Variants in NFIX observed in about 807,000 individuals in gnomAD.
The protein encoded by NFIX is nuclear factor 1 X-type.
Under a neutral mutation model 53.3 loss-of-function variants are expected in NFIX, and 2 were observed. The ratio of observed to expected loss-of-function variants is 0.04; its 90% confidence interval spans 0.02 to 0.12. NFIX has a LOEUF of 0.12. NFIX is among the 10% of genes least tolerant of loss of function. The pLI, the probability that NFIX is intolerant of heterozygous loss-of-function variation, is 1.00. For synonymous variants in NFIX, 244 were observed against 289.0 expected (o/e 0.84, Z 1.58); for missense variants, 310 against 674.5 (o/e 0.46, Z 5.99).
At position 13,021,030 on chromosome 19, in the gene NFIX, A is replaced by G. The variant is rs2012934379; in HGVS notation, c.28-3991A>G. 6.6e-6 allele frequency among the ~76,000 whole-genome samples: 1 copy of G among 152,102 alleles called. No homozygotes were observed. Among genetic ancestry groups the G allele is most frequent in the Non-Finnish European group, 1.5e-5 (1 of 68,038 alleles). The stretch of plus-strand genomic sequence containing the variant: ...GGCCATTTTCTGTTTGGTGTCTAAT[A>G]TTTAGTATAAATCAGAATACAAGAA... On this transcript the variant is annotated intron_variant, in intron 1 of 10. Transcript: ENST00000592199. This position sits in a 1 kb window ranked among gnomAD's most constrained non-coding sequence, Gnocchi z 4.2.
chr19:13,035,322 C>T (rs891892777), intron 2 of NFIX, among the ~76,000 whole-genome samples: 1 of 152,214 alleles, frequency 6.6e-6, no homozygotes, highest in Non-Finnish European at 1.5e-5. Context: ...TCCCCTTTCA[C>T]CTCCCCCTGG....
chr19:13,002,749 C>T lies in NFIX; in HGVS notation c.27+6885C>T, dbSNP rs182506366. Among the ~76,000 whole-genome samples, 1 of 152,132 alleles carries T rather than the reference C, an allele frequency of 6.6e-6. No homozygotes were observed. The highest frequency in any genetic ancestry group is 1.5e-5 in the Non-Finnish European group (1 of 67,992). ...GGCACTGCGGCGCTCTGCAGCCAAT[C>T]GGAAGCCGGGGTTGCACTGGGGAGC... On this transcript the variant is annotated intron_variant, in intron 1 of 10. Transcript: ENST00000592199. This position sits in a 1 kb window ranked among gnomAD's most constrained non-coding sequence, Gnocchi z 6.1.
rs749168153 is a variant in NFIX at position 13,011,644 on chromosome 19, C to T, written c.28-13377C>T. Among the ~76,000 whole-genome samples the T allele has an allele frequency of 9.2e-5, 14 of 152,158 alleles. No individual in the cohort carries two copies. Among genetic ancestry groups the T allele is most frequent in the Non-Finnish European group, 1.3e-4 (9 of 68,022 alleles). On this transcript the variant is annotated intron_variant, in intron 1 of 10. Transcript: ENST00000592199. This position sits in a 1 kb window ranked among gnomAD's most constrained non-coding sequence, Gnocchi z 6.5. ...TTAGATGGTACTCCAGCGTCTCCTCCGGGTCCCCGGAAGAGAGAAGCTGGG... is the reference window on the plus strand; with the variant it reads ...TTAGATGGTACTCCAGCGTCTCCTCTGGGTCCCCGGAAGAGAGAAGCTGGG...
At chr19:13,010,401 C>T (rs2012274692) in intron 1 of NFIX, among the ~76,000 whole-genome samples, 1 of 152,388 alleles carries the variant, frequency 6.6e-6, no homozygotes, top group East Asian at 1.9e-4. Flanking sequence ...CGGACGTGCG[C>T]ACGCACATAA....
Position 13,060,704 on chromosome 19 carries a change from C to A in NFIX, c.560-12343C>A, listed in dbSNP as rs976773497. Reference sequence around the variant, plus strand: ...CCTGAGGATTGCGGGGCCAGGGAAGCAACCAGGCCCAGTCTGGGGCCCTGT... The same window carrying A: ...CCTGAGGATTGCGGGGCCAGGGAAGAAACCAGGCCCAGTCTGGGGCCCTGT... On this transcript the variant is annotated intron_variant, in intron 2 of 10. Transcript: ENST00000592199. This position sits in a 1 kb window ranked among gnomAD's most constrained non-coding sequence, Gnocchi z 4.3. Among the ~76,000 whole-genome samples, 3 of 152,122 alleles carry A rather than the reference C, an allele frequency of 2.0e-5. No homozygotes were observed. The highest frequency in any genetic ancestry group is 7.2e-5 in the African/African-American group (3 of 41,432).
At chr19:13,050,950 C>T (rs1212676649) in intron 2 of NFIX, among the ~76,000 whole-genome samples, 1 of 152,214 alleles carries the variant, frequency 6.6e-6, no homozygotes, top group African/African-American at 2.4e-5. Context: ...CCAGACCAGC[C>T]CCCTTGGAGA....
In NFIX at chr19:13,005,427, G is replaced by A. The variant is rs576521183; in HGVS notation, c.27+9563G>A. Among the ~76,000 whole-genome samples the A allele has an allele frequency of 3.3e-5, 5 of 152,256 alleles. No homozygotes were observed. Among genetic ancestry groups the A allele is most frequent in the Middle Eastern group, 3.4e-3 (1 of 294 alleles). ...GCCAGCTTCCTGGGTTTGACTCCTG[G>A]CTCTGCCACTCACTAGCTGTGTAAC... On this transcript the variant is annotated intron_variant, in intron 1 of 10. Transcript: ENST00000592199. The surrounding 1 kb of genome is among the most constrained non-coding windows in gnomAD (Gnocchi z 4.7).
chr19:13,078,671 G>T lies in NFIX; in HGVS notation c.1014G>T (p.Gln338His). Residue 338 changes from glutamine to histidine, a missense_variant, in exon 7 of 11, where the codon CAG becomes CAT. Around this residue, in one of 5 missense-constraint regions of NFIX, gnomAD observed 164 missense variants for 284.4 expected, o/e 0.58. Transcript: ENST00000592199. This position sits in a 1 kb window ranked among gnomAD's most constrained non-coding sequence, Gnocchi z 4.7. ...ACTTCTGCAGTGCCCTCTCCTCTCA[G>T]GGCAGCTCCCCGCGCATGGCTTTCA... ...KLDFCSALSS[Q>H]GSSPRMAFTH... 1 of 1,599,712 alleles carries T rather than the reference G, an allele frequency of 6.3e-7. No individual in the cohort carries two copies. Among genetic ancestry groups the T allele is most frequent in the Non-Finnish European group, 8.5e-7 (1 of 1,173,540 alleles).
At chr19:13,033,144 C>T (rs1234833972) in intron 2 of NFIX, among the ~76,000 whole-genome samples, 3 of 152,106 alleles carry the variant, frequency 2.0e-5, no homozygotes, top group Non-Finnish European at 4.4e-5. Flanking sequence ...CCAAGGGCAC[C>T]GTGGAAAACA....
intron 1 of NFIX, among the ~76,000 whole-genome samples, chr19:13,008,448 T>C (rs1460585723): frequency 6.6e-6 from 1 of 152,170 alleles, no homozygotes; most frequent in Non-Finnish European, 1.5e-5. Context: ...TTCATCCTGA[T>C]TGGTGGCCCT....
chr19:13,071,855 A>G (rs374959865), intron 2 of NFIX, among the ~76,000 whole-genome samples: 117 of 152,242 alleles, frequency 7.7e-4, no homozygotes, highest in African/African-American at 2.6e-3. Context: ...CCCAGAACCC[A>G]GCTCTGTTCC....
chr19:13,092,046 G>C (rs1258446271), intron 10 of NFIX, among the ~76,000 whole-genome samples: 2 of 152,172 alleles, frequency 1.3e-5, no homozygotes, highest in African/African-American at 4.8e-5. Flanking sequence ...TCTGGGAGTG[G>C]TTGGGGGAGC....
chr19:13,030,841 T>C (rs1464775072), intron 2 of NFIX, among the ~76,000 whole-genome samples: 4 of 152,116 alleles, frequency 2.6e-5, no homozygotes, highest in Non-Finnish European at 5.9e-5. Flanking sequence ...AAAATGAAAA[T>C]GTGGGGCTCC....
chr19:13,084,793 G>A (rs2017676441), intron 8 of NFIX, among the ~76,000 whole-genome samples: 1 of 152,148 alleles, frequency 6.6e-6, no homozygotes, highest in Admixed American at 6.6e-5. Context: ...GAGCTGGTCG[G>A]GCGCGGTGGC....
intron 2 of NFIX, among the ~76,000 whole-genome samples, chr19:13,026,742 CTCTGTGTGTGTG>C (rs2013390267): frequency 6.8e-6 from 1 of 146,412 alleles, no homozygotes; most frequent in East Asian, 1.9e-4. Context: ...CTCTCTCTCT[CTCTGTGTGTGTG>C]TGTGTGTGTG....
At chr19:13,024,744 G>A (rs556450518) in intron 1 of NFIX, 45 of 1,531,074 alleles carry the variant, frequency 2.9e-5, no homozygotes, top group Non-Finnish European at 3.8e-5. Flanking sequence ...GAGAGAGAGA[G>A]AGAATAGGTG....
intron 1 of NFIX, among the ~76,000 whole-genome samples, chr19:13,017,337 G>A (rs77237586): frequency 0.025 from 3,862 of 152,226 alleles, 60 homozygotes; most frequent in South Asian, 0.042. Context: ...AAATAGTTGC[G>A]GGAGCAATAC....
At chr19:13,046,458 G>T (rs147858251) in intron 2 of NFIX, among the ~76,000 whole-genome samples, 1 of 151,860 alleles carries the variant, frequency 6.6e-6, no homozygotes, top group African/African-American at 2.4e-5. Flanking sequence ...GTGGAATCGC[G>T]TTGCCTTCCC....
rs1157966190 is a variant in NFIX at position 13,087,774 on chromosome 19, C to CAAAA, written c.1255-194_1255-191dup. ...CCCTCCCACAACTTCAAAAGAGGACCAAAAAAAAAAAAAAAAAAAAAAAAG... is the reference window on the plus strand; with the variant it reads ...CCCTCCCACAACTTCAAAAGAGGACCAAAAAAAAAAAAAAAAAAAAAAAAAAAAG... On this transcript the variant is annotated intron_variant, in intron 8 of 10. Transcript: ENST00000592199. 5.5e-3 allele frequency among the ~76,000 whole-genome samples: 146 copies of CAAAA among 26,374 alleles called. 16 individuals carry two copies. The highest frequency in any genetic ancestry group is 0.05 in the Middle Eastern group (1 of 20). 17.3% of individuals were successfully genotyped at this position (26,374 alleles called of 152,430 possible).
Sources: allele counts gnomAD v4.1 joint callset (sites outside exome capture counted in the v4.1 genomes callset), GRCh38; gene constraint gnomAD v4.1.1; regional missense constraint gnomAD v4.1.1; non-coding constraint Gnocchi (gnomAD v3.1); transcripts MANE v1.5; gene names NCBI Gene and HGNC (gene_info 2026-07-23, HGNC 2026-07-21).